Variants in ITPR2 observed in about 807,000 individuals in gnomAD.
The protein encoded by ITPR2 is inositol 1,4,5-trisphosphate-gated calcium channel ITPR2.
In ITPR2, 207 loss-of-function variants were observed where a neutral mutation model predicts 317.1. That is an observed-to-expected ratio of 0.65 (90% confidence interval 0.58 to 0.73). ITPR2 has a LOEUF of 0.73. Ranked by LOEUF, ITPR2 falls within the 30% of genes least tolerant of loss-of-function variation. ITPR2 has a pLI of 0.00. For missense variants in ITPR2, 2,613 were observed against 3,284.0 expected, an observed-to-expected ratio of 0.80 and a Z score of 4.99; for synonymous variants, 1,156 against 1,149.1, an observed-to-expected ratio of 1.01 and a Z score of -0.12.
rs913632497 is a variant in ITPR2, at chr12:26,833,029, A to G, written c.-248T>C. The stretch of plus-strand genomic sequence containing the variant: ...AGAGCGCAGCCCAGGCGCCCAGAGA[A>G]GCCGCAGCCGCCGCCGCCTCCCCGG... On this transcript the variant is annotated 5_prime_UTR_variant, in exon 1 of 57. Coordinates refer to ENST00000381340, the MANE Select transcript of ITPR2 (RefSeq NM_002223.4). The G allele has an allele frequency of 2.6e-5, 12 of 468,152 alleles. 1 individual carries two copies. Among genetic ancestry groups the G allele is most frequent in the Middle Eastern group, 5.6e-4 (1 of 1,792 alleles). The allele number at this position is 468,152 out of a possible 1,614,324, so 29.0% of individuals were successfully genotyped here.
chr12:26,661,678 C>T (rs1947506634), intron 15 of ITPR2, among the ~76,000 whole-genome samples: 1 of 152,274 alleles, frequency 6.6e-6, no homozygotes, highest in Non-Finnish European at 1.5e-5. Flanking sequence ...TAATACAGCA[C>T]TGCTCGTACG....
intron 2 of ITPR2, among the ~76,000 whole-genome samples, chr12:26,742,127 C>G (rs141284198): frequency 2.3e-4 from 35 of 152,286 alleles, no homozygotes; most frequent in African/African-American, 8.4e-4. Context: ...AATGAGCCAG[C>G]AATTCCATGG....
chr12:26,344,955 T>C (rs1440698838), intron 55 of ITPR2, among the ~76,000 whole-genome samples: 3 of 152,194 alleles, frequency 2.0e-5, no homozygotes, highest in East Asian at 3.8e-4. Context: ...TCACTCCTTG[T>C]ATCTGTCTGT....
intron 47 of ITPR2, among the ~76,000 whole-genome samples, chr12:26,438,702 C>G (rs1941416990): frequency 6.6e-6 from 1 of 152,066 alleles, no homozygotes; most frequent in African/African-American, 2.4e-5. Flanking sequence ...AAGAATTACT[C>G]TCAGCAAAAC....
At chr12:26,609,088 A>T (rs1051853022) in intron 26 of ITPR2, among the ~76,000 whole-genome samples, 1 of 152,168 alleles carries the variant, frequency 6.6e-6, no homozygotes, top group Non-Finnish European at 1.5e-5. Context: ...TGGTTGTAAG[A>T]AGGGGGGTGT....
At chr12:26,514,832 TTTTAA>T (rs1199960749) in intron 37 of ITPR2, among the ~76,000 whole-genome samples, 2 of 152,240 alleles carry the variant, frequency 1.3e-5, no homozygotes, top group South Asian at 2.1e-4. Flanking sequence ...ATAGTTCCTA[TTTTAA>T]TTTATCAATT....
chr12:26,717,089 A>G (rs1020685192), intron 5 of ITPR2, among the ~76,000 whole-genome samples: 1 of 152,222 alleles, frequency 6.6e-6, no homozygotes, highest in African/African-American at 2.4e-5. Context: ...GAATTTATTT[A>G]GAAGACATAT....
Position 26,462,260 on chromosome 12 carries a change from A to C in ITPR2, c.6342+13036T>G, listed in dbSNP as rs140307735. Reference sequence around the variant, plus strand: ...CGGCTCACTGCAACCTCCGCCTCTCAGGTTCAAGTGATTCTCGTGCCTCAG... The same window carrying C: ...CGGCTCACTGCAACCTCCGCCTCTCCGGTTCAAGTGATTCTCGTGCCTCAG... On this transcript the variant is annotated intron_variant, in intron 45 of 56. Coordinates refer to ENST00000381340, the MANE Select transcript of ITPR2 (RefSeq NM_002223.4). Among the ~76,000 whole-genome samples the C allele has an allele frequency of 3.4e-4, 52 of 151,938 alleles. No individual in the cohort carries two copies. The East Asian group carries it at 0.01, about 30-fold the overall frequency.
chr12:26,610,004 G>A (rs1946226592), intron 26 of ITPR2, among the ~76,000 whole-genome samples: 1 of 152,064 alleles, frequency 6.6e-6, no homozygotes, highest in South Asian at 2.1e-4. Flanking sequence ...TATACAATGA[G>A]GTCTGAGGCA....
chr12:26,758,159 T>C (rs1565741719), intron 2 of ITPR2, among the ~76,000 whole-genome samples: 1 of 152,192 alleles, frequency 6.6e-6, no homozygotes, highest in African/African-American at 2.4e-5. Flanking sequence ...CCCTTTTCTC[T>C]TACCTTTCTC....
At chr12:26,434,892 C>T (rs1200756626) in intron 48 of ITPR2, among the ~76,000 whole-genome samples, 1 of 152,138 alleles carries the variant, frequency 6.6e-6, no homozygotes, top group Non-Finnish European at 1.5e-5. Flanking sequence ...GAGTTATATT[C>T]CTCTATGCTA....
chr12:26,727,203 AG>A (rs1323792722), intron 2 of ITPR2, among the ~76,000 whole-genome samples: 2 of 152,208 alleles, frequency 1.3e-5, no homozygotes, highest in African/African-American at 4.8e-5. Flanking sequence ...AACTACAAAG[AG>A]AATTTTACAA....
Position 26,629,960 on chromosome 12 carries a change from C to T in ITPR2, c.2935-1798G>A, listed in dbSNP as rs191291358. On this transcript the variant is annotated intron_variant, in intron 22 of 56. Coordinates refer to ENST00000381340, the MANE Select transcript of ITPR2 (RefSeq NM_002223.4). ...TACAGTCTAGAGGGGAAAACAAACA[C>T]CAGAGACTCTTAAGAACGTGTGGTG... 2.4e-3 allele frequency among the ~76,000 whole-genome samples: 362 copies of T among 152,240 alleles called. 2 individuals are homozygous for T. The highest frequency in any genetic ancestry group is 4.0e-3 in the Non-Finnish European group (274 of 68,016).
intron 23 of ITPR2, among the ~76,000 whole-genome samples, chr12:26,624,776 CA>C (rs141428313): frequency 1.2e-4 from 16 of 138,210 alleles, no homozygotes; most frequent in South Asian, 2.3e-4. Flanking sequence ...CGAGGTTTCT[CA>C]AAAAAAAAAA....
intron 43 of ITPR2, among the ~76,000 whole-genome samples, chr12:26,478,336 C>G (rs1942462640): frequency 6.6e-6 from 1 of 151,824 alleles, no homozygotes; most frequent in Non-Finnish European, 1.5e-5. Flanking sequence ...TTGAACCAAT[C>G]CTAAAATCCA....
At chr12:26,694,837 T>C (rs1303824718) in intron 10 of ITPR2, among the ~76,000 whole-genome samples, 1 of 152,218 alleles carries the variant, frequency 6.6e-6, no homozygotes, top group Non-Finnish European at 1.5e-5. Flanking sequence ...TTTTGATATG[T>C]TAAAGGTTTC....
At chr12:26,460,981 T>C (rs1054999345) in intron 45 of ITPR2, among the ~76,000 whole-genome samples, 1 of 152,212 alleles carries the variant, frequency 6.6e-6, no homozygotes, top group African/African-American at 2.4e-5. Flanking sequence ...CTTGATTCAT[T>C]CCTATCCTGA....
chr12:26,662,313 C>T (rs924024003), intron 15 of ITPR2, among the ~76,000 whole-genome samples: 4 of 152,178 alleles, frequency 2.6e-5, no homozygotes, highest in African/African-American at 9.7e-5. Context: ...ATTACTTAAC[C>T]TCTCTGTGCC....
intron 55 of ITPR2, among the ~76,000 whole-genome samples, chr12:26,344,133 G>C (rs1224561538): frequency 6.6e-6 from 1 of 151,988 alleles, no homozygotes; most frequent in Non-Finnish European, 1.5e-5. Flanking sequence ...CACCAGACGT[G>C]GGCACCTTGA....
Sources: gnomAD v4.1 joint callset for allele counts (sites outside exome capture counted in the v4.1 genomes callset) on GRCh38, gnomAD v4.1.1 for gene constraint, MANE v1.5 for transcripts, NCBI Gene and HGNC (gene_info 2026-07-23, HGNC 2026-07-21) for gene names.